RGS17: variants seen among roughly 807,000 people sequenced by gnomAD.
RGS17 encodes regulator of G protein signaling 17.
In RGS17, 12 loss-of-function variants were observed where a neutral mutation model predicts 25.5. The observed-to-expected ratio is 0.47, with a 90% CI of 0.30 to 0.76. The LOEUF is 0.76. RGS17 is among the 30% of genes least tolerant of loss of function. RGS17 has a pLI of 0.07. For synonymous variants in RGS17, 71 were observed against 76.9 expected (o/e 0.92, Z 0.40); for missense variants, 196 against 242.2 (o/e 0.81, Z 1.27).
intron 1 of RGS17, among the ~76,000 whole-genome samples, chr6:153,107,299 C>T (rs1777400678): frequency 6.6e-6 from 1 of 152,058 alleles, no homozygotes; most frequent in Non-Finnish European, 1.5e-5. Flanking sequence ...CGCCATTGCA[C>T]TCCAGCCTGG....
chr6:153,123,471 C>G (rs114585667), intron 1 of RGS17, among the ~76,000 whole-genome samples: 1 of 152,056 alleles, frequency 6.6e-6, no homozygotes, highest in Non-Finnish European at 1.5e-5. Flanking sequence ...ATTTCTAGAA[C>G]GGGTTTGAAG....
chr6:153,045,493 T>G (rs1366973172), intron 1 of RGS17, among the ~76,000 whole-genome samples: 2 of 152,194 alleles, frequency 1.3e-5, no homozygotes, highest in Non-Finnish European at 2.9e-5. Context: ...CAGGGAATTT[T>G]CCAAAATCAC....
chr6:153,094,604 T>A (rs572031687), intron 1 of RGS17, among the ~76,000 whole-genome samples: 63 of 152,208 alleles, frequency 4.1e-4, no homozygotes, highest in Non-Finnish European at 7.8e-4. Context: ...AGGAAAGAGA[T>A]CAGCTTCAAC....
chr6:153,118,977 TATGA>T (rs1245771169), intron 1 of RGS17, among the ~76,000 whole-genome samples: 19 of 152,328 alleles, frequency 1.2e-4, no homozygotes, highest in African/African-American at 4.6e-4. Flanking sequence ...CTATCTTATG[TATGA>T]ATGTGTACAT....
At chr6:153,039,286 CACA>C (rs1776291503) in intron 2 of RGS17, among the ~76,000 whole-genome samples, 1 of 152,148 alleles carries the variant, frequency 6.6e-6, no homozygotes, top group Non-Finnish European at 1.5e-5. Flanking sequence ...TAAAAATAGA[CACA>C]ACATTTTCCA....
At chr6:153,037,860 A>C (rs1776270694) in intron 2 of RGS17, among the ~76,000 whole-genome samples, 1 of 152,054 alleles carries the variant, frequency 6.6e-6, no homozygotes, top group South Asian at 2.1e-4. Flanking sequence ...TATTAACCTA[A>C]AAAACAACAA....
intron 2 of RGS17, among the ~76,000 whole-genome samples, chr6:153,042,765 C>T (rs573520546): frequency 2.6e-5 from 4 of 152,248 alleles, no homozygotes; most frequent in African/African-American, 4.8e-5. Context: ...GGAACTTGTT[C>T]GTCACCAAGG....
intron 1 of RGS17, among the ~76,000 whole-genome samples, chr6:153,116,684 T>C (rs1777551618): frequency 6.6e-6 from 1 of 152,058 alleles, no homozygotes; most frequent in Admixed American, 6.6e-5. Context: ...CAAAGGCCCA[T>C]GAATGACAGA....
At position 153,037,171 on chromosome 6, in the gene RGS17, AAC is replaced by A. The variant is rs61117365; in HGVS notation, c.119+6727_119+6728del. Reference sequence around the variant, plus strand: ...TACTAATTGGTAGTACTACCTTTAAAACACACACACACACACACACACACACA... The same window carrying A: ...TACTAATTGGTAGTACTACCTTTAAAACACACACACACACACACACACACA... On this transcript the variant is annotated intron_variant, in intron 2 of 4. Transcript: ENST00000206262. 4.1e-3 allele frequency among the ~76,000 whole-genome samples: 591 copies of A among 145,310 alleles called. 9 individuals are homozygous for A. The highest frequency in any genetic ancestry group is 0.01 in the Middle Eastern group (3 of 290).
chr6:153,051,037 G>T lies in RGS17; in HGVS notation c.-25-6994C>A, dbSNP rs6930145. ...GAAAGAAGATAGTCATCTACAACCA[G>T]GCAGCAGGCCCTCACCAGACACCAA... On this transcript the variant is annotated intron_variant, in intron 1 of 4. Coordinates refer to ENST00000206262, the MANE Select transcript of RGS17 (RefSeq NM_012419.5). 1.4e-4 allele frequency among the ~76,000 whole-genome samples: 21 copies of T among 152,118 alleles called. No homozygotes were observed. In the South Asian group the frequency reaches 1.4e-3, roughly 10 times the overall value.
In RGS17 at chr6:153,130,446, C is replaced by G. The variant is rs1777769839; in HGVS notation, c.-26+678G>C. Among the ~76,000 whole-genome samples, 1 of 150,492 alleles carries G rather than the reference C, an allele frequency of 6.6e-6. No individual in the cohort carries two copies. Among genetic ancestry groups the G allele is most frequent in the African/African-American group, 2.5e-5 (1 of 40,664 alleles). ...CTTTGACTAAGGGGAGGGGAAGGAA[C>G]AAAAGAGACCCCCCACCCCCTATAC... On this transcript the variant is annotated intron_variant, in intron 1 of 4. Coordinates refer to ENST00000206262, the MANE Select transcript of RGS17 (RefSeq NM_012419.5). The surrounding 1 kb of genome is among the most constrained non-coding windows in gnomAD (Gnocchi z 6.4).
intron 1 of RGS17, among the ~76,000 whole-genome samples, chr6:153,102,385 A>G (rs1023059408): frequency 4.6e-5 from 7 of 152,228 alleles, no homozygotes; most frequent in Non-Finnish European, 1.0e-4. Flanking sequence ...ATTCTTACCA[A>G]TGTGATTTGG....
rs1779096242 is a variant in RGS17, at chr6:153,008,197, A to G, written c.*3377T>C. On this transcript the variant is annotated 3_prime_UTR_variant, in exon 5 of 5. Coordinates refer to ENST00000206262, the MANE Select transcript of RGS17 (RefSeq NM_012419.5). ...TATAGTCCTTTGGCAAAACTGAACT[A>G]TCAGGTAGATAAACAACACGTATTT... The G allele has an allele frequency of 6.6e-6, 1 of 152,222 alleles. No homozygotes were observed. The highest frequency in any genetic ancestry group is 2.1e-4 in the South Asian group (1 of 4,836). The allele number at this position is 152,222 out of a possible 1,614,324, so 9.4% of individuals were successfully genotyped here. A position where few individuals can be genotyped will look rare whatever the true frequency, so the allele number is the denominator to read the frequency against.
At chr6:153,121,534 C>G (rs1777631114) in intron 1 of RGS17, among the ~76,000 whole-genome samples, 1 of 152,140 alleles carries the variant, frequency 6.6e-6, no homozygotes. Flanking sequence ...AATGAGCAGA[C>G]AAGCTTTTCC....
chr6:153,025,959 T>C (rs1779297727), intron 3 of RGS17, among the ~76,000 whole-genome samples: 1 of 151,798 alleles, frequency 6.6e-6, no homozygotes, highest in African/African-American at 2.4e-5. Flanking sequence ...CTTACAATTA[T>C]ATGACTGGAC....
rs910755304 is a variant in RGS17 at position 153,085,696 on chromosome 6, C to T, written c.-25-41653G>A. Among the ~76,000 whole-genome samples, 22 of 152,162 alleles carry T rather than the reference C, an allele frequency of 1.4e-4. 3 individuals carry two copies. The highest frequency in any genetic ancestry group is 1.3e-3 in the Admixed American group (20 of 15,268). On this transcript the variant is annotated intron_variant, in intron 1 of 4. Coordinates refer to ENST00000206262, the MANE Select transcript of RGS17 (RefSeq NM_012419.5). ...ACAAAATGTCTGATTCTCTCCGTAA[C>T]GATGAATGGCATTAATAAATATTAC...
chr6:153,124,257 G>A (rs531552992), intron 1 of RGS17, among the ~76,000 whole-genome samples: 1 of 152,194 alleles, frequency 6.6e-6, no homozygotes, highest in Admixed American at 6.5e-5. Flanking sequence ...TGTGGAAAGG[G>A]GCCACGTTTA....
At chr6:153,086,225 A>G (rs571517253) in intron 1 of RGS17, among the ~76,000 whole-genome samples, 20 of 152,322 alleles carry the variant, frequency 1.3e-4, no homozygotes, top group African/African-American at 3.8e-4. Context: ...ATCATACTCA[A>G]TATGAATTGA....
intron 1 of RGS17, among the ~76,000 whole-genome samples, chr6:153,054,009 C>CATATATAT (rs1776508282): frequency 1.5e-4 from 6 of 39,242 alleles, no homozygotes; most frequent in African/African-American, 1.9e-4. Context: ...TACATATATA[C>CATATATAT]GTATATATGT....
Sources: allele counts gnomAD v4.1 joint callset (sites outside exome capture counted in the v4.1 genomes callset), GRCh38; gene constraint gnomAD v4.1.1; non-coding constraint Gnocchi (gnomAD v3.1); transcripts MANE v1.5; gene names NCBI Gene and HGNC (gene_info 2026-07-23, HGNC 2026-07-21).